SPRED3: variants seen among roughly 807,000 people sequenced by gnomAD.
SPRED3 encodes the protein sprouty related EVH1 domain containing 3.
SPRED3 carries 23 observed loss-of-function variants against 37.6 expected under a neutral mutation model. That is an observed-to-expected ratio of 0.61 (90% CI 0.44 to 0.87). SPRED3 has a LOEUF of 0.87. SPRED3 is among the 40% of genes least tolerant of loss of function. The probability of loss-of-function intolerance (pLI) is 0.00; values close to 1 mark genes in which losing one functional copy is unlikely to be tolerated. For missense variants in SPRED3, 584 were observed against 618.6 expected (o/e 0.94, Z 0.59); for synonymous variants, 302 against 279.6 (o/e 1.08, Z -0.80).
Position 38,396,020 on chromosome 19 carries a change from C to T in SPRED3, c.1108C>T (p.Leu370=). The T allele has an allele frequency of 7.3e-7, 1 of 1,372,346 alleles. No homozygotes were observed. Among genetic ancestry groups the T allele is most frequent in the Non-Finnish European group, 9.3e-7 (1 of 1,072,766 alleles). The allele number at this position is 1,372,346 out of a possible 1,614,324, so 85.0% of individuals were successfully genotyped here. A position where few individuals can be genotyped will look rare whatever the true frequency, so the allele number is the denominator to read the frequency against. ...HPRPAARWAA[L]AALSLAVPCL... is the part of the protein sequence containing the mutation. ...GCGCCCCGCCGCGCGCTGGGCCGCG[C>T]TGGCCGCGCTCTCCCTGGCAGTGCC... The change falls in exon 6 of 6, where the codon CTG becomes TTG. Residue 370 remains leucine (L), a synonymous_variant. Coordinates refer to ENST00000691638, the MANE Select transcript of SPRED3 (RefSeq NM_001394336.1).
intron 2 of SPRED3, among the ~76,000 whole-genome samples, chr19:38,390,764 G>GCCCCCCCCCCCCCCCC (rs57016544): frequency 1.9e-3 from 119 of 62,470 alleles, no homozygotes; most frequent in Non-Finnish European, 2.3e-3. Flanking sequence ...AGGGGGCACT[G>GCCCCCCCCCCCCCCCC]CCCCCCCCCC....
Position 38,398,257 on chromosome 19 carries a change from G to A in SPRED3, c.*2112G>A, listed in dbSNP as rs1970921924. 6.8e-6 allele frequency: 1 copy of A among 146,836 alleles called. No individual in the cohort carries two copies. Among genetic ancestry groups the A allele is most frequent in the Non-Finnish European group, 1.5e-5 (1 of 65,438 alleles). The allele number at this position is 146,836 out of a possible 1,614,324, so 9.1% of individuals were successfully genotyped here. ...TTATTTATTTATTTATTTATTTTGA[G>A]ACAGAGTCTCGCTGTATCACCCAGG... On this transcript the variant is annotated 3_prime_UTR_variant, in exon 6 of 6. Transcript: ENST00000691638.
rs755465978 is a variant in SPRED3, at chr19:38,390,287, C to G, written c.-4-12C>G. 1 of 1,338,592 alleles carries G rather than the reference C, an allele frequency of 7.5e-7. No individual in the cohort carries two copies. Among genetic ancestry groups the G allele is most frequent in the Non-Finnish European group, 9.7e-7 (1 of 1,035,708 alleles). 82.9% of individuals were successfully genotyped at this position (1,338,592 alleles called of 1,614,324 possible). ...ACTGTGTTGTCCCTGTCCTTCCCCC[C>G]ACCTCCTGCAGGTACATGGTGCGGG... is the stretch of plus-strand genomic sequence containing the variant. On this transcript the variant is annotated splice_polypyrimidine_tract_variant and intron_variant, in intron 1 of 5. Transcript: ENST00000691638.
chr19:38,395,880 G>A lies in SPRED3; in HGVS notation c.968G>A (p.Arg323His), dbSNP rs1400017871. ...TGCGCAGAGGCCCCGGACCCGGGTC[G>A]CCTCCTGGTGCGCCGTCTAAGCTGC... ...GRCAEAPDPG[R>H]LLVRRLSCLW... Residue 323 changes from arginine (R) to histidine (H), a missense_variant, in exon 6 of 6, where the codon CGC becomes CAC. By Grantham distance (29) the Arg-to-His change is conservative. Coordinates refer to ENST00000691638, the MANE Select transcript of SPRED3 (RefSeq NM_001394336.1). This position sits in a 1 kb window ranked among gnomAD's most constrained non-coding sequence, Gnocchi z 5.2. 2.0e-6 allele frequency: 3 copies of A among 1,497,818 alleles called. No individual in the cohort carries two copies. The African/African-American group carries it at 4.3e-5, about 22-fold the overall frequency. The allele number at this position is 1,497,818 out of a possible 1,614,324, so 92.8% of individuals were successfully genotyped here.
chr19:38,396,205 C>A lies in SPRED3; in HGVS notation c.*60C>A. Reference sequence around the variant, plus strand: ...ACCCAAAATTGAGGGTCCAGGACCCCGGACTCCGTTCGGACCTAAAACCCA... The same window carrying A: ...ACCCAAAATTGAGGGTCCAGGACCCAGGACTCCGTTCGGACCTAAAACCCA... On this transcript the variant is annotated 3_prime_UTR_variant, in exon 6 of 6. Coordinates refer to ENST00000691638, the MANE Select transcript of SPRED3 (RefSeq NM_001394336.1). 8.5e-7 allele frequency: 1 copy of A among 1,181,478 alleles called. No homozygotes were observed. The highest frequency in any genetic ancestry group is 1.1e-6 in the Non-Finnish European group (1 of 945,830). The allele number at this position is 1,181,478 out of a possible 1,614,324, so 73.2% of individuals were successfully genotyped here. A position where few individuals can be genotyped will look rare whatever the true frequency, so the allele number is the denominator to read the frequency against.
intron 1 of SPRED3, 136 bp from the exon 2 acceptor site, chr19:38,390,163 C>CT: frequency 1.2e-6 from 1 of 829,108 alleles, no homozygotes; most frequent in Non-Finnish European, 1.7e-6. Flanking sequence ...GTGGGTATTG[C>CT]TAGCTTAGGG....
chr19:38,390,774 C>CA (rs1244506444), intron 2 of SPRED3, among the ~76,000 whole-genome samples: 4 of 119,392 alleles, frequency 3.4e-5, no homozygotes, highest in Non-Finnish European at 5.6e-5. Context: ...GCCCCCCCCC[C>CA]CCCGCCCCGA....
In SPRED3 at chr19:38,395,237, C is replaced by T. The variant is rs1970880371; in HGVS notation, c.568-243C>T. On this transcript the variant is annotated intron_variant, in intron 5 of 5. Coordinates refer to ENST00000691638, the MANE Select transcript of SPRED3 (RefSeq NM_001394336.1). This position sits in a 1 kb window ranked among gnomAD's most constrained non-coding sequence, Gnocchi z 5.2. ...AGGTAGAGGGGGCTGGGAGCTGGGG[C>T]TCTTGGATCTTAAGAGAGGACAGGA... Among the ~76,000 whole-genome samples, 2 of 152,048 alleles carry T rather than the reference C, an allele frequency of 1.3e-5. No homozygotes were observed. Among genetic ancestry groups the T allele is most frequent in the African/African-American group, 4.8e-5 (2 of 41,400 alleles).
Position 38,390,300 on chromosome 19 carries a change from T to G in SPRED3, c.-3T>G, listed in dbSNP as rs1366383610. 3 of 1,339,804 alleles carry G rather than the reference T, an allele frequency of 2.2e-6. No homozygotes were observed. Among genetic ancestry groups the G allele is most frequent in the Non-Finnish European group, 2.9e-6 (3 of 1,036,690 alleles). The allele number at this position is 1,339,804 out of a possible 1,614,324, so 83.0% of individuals were successfully genotyped here. The stretch of plus-strand genomic sequence containing the variant: ...TGTCCTTCCCCCCACCTCCTGCAGG[T>G]ACATGGTGCGGGTCCGAGCTGTGGT... On this transcript the variant is annotated splice_region_variant and 5_prime_UTR_variant, in exon 2 of 6. Coordinates refer to ENST00000691638, the MANE Select transcript of SPRED3 (RefSeq NM_001394336.1).
intron 4 of SPRED3, among the ~76,000 whole-genome samples, chr19:38,394,025 A>C (rs1471880526): frequency 6.6e-6 from 1 of 152,232 alleles, no homozygotes; most frequent in Non-Finnish European, 1.5e-5. Context: ...GGTCTTCGTG[A>C]GTCTGGCACG....
chr19:38,395,793 C>A lies in SPRED3; in HGVS notation c.881C>A (p.Ala294Glu). The A allele has an allele frequency of 6.8e-7, 1 of 1,465,132 alleles. No individual in the cohort carries two copies. Among genetic ancestry groups the A allele is most frequent in the Non-Finnish European group, 9.0e-7 (1 of 1,116,534 alleles). The allele number at this position is 1,465,132 out of a possible 1,614,324, so 90.8% of individuals were successfully genotyped here. The change falls in exon 6 of 6, where the codon GCA becomes GAA. Residue 294 changes from alanine to glutamate, a missense_variant. By Grantham distance (107) the Ala-to-Glu change is moderately radical. Around this residue, in one of 7 missense-constraint regions of SPRED3, gnomAD observed 310 missense variants for 281.1 expected, o/e 1.10. Coordinates refer to ENST00000691638, the MANE Select transcript of SPRED3 (RefSeq NM_001394336.1). The surrounding 1 kb of genome is among the most constrained non-coding windows in gnomAD (Gnocchi z 5.2). ...PAKASPEAEE[A>E]ARCVHCRALF... is the part of the protein sequence containing the mutation. ...AAGGCCTCCCCGGAAGCGGAGGAGG[C>A]AGCGCGCTGCGTGCATTGCCGCGCG...
Position 38,395,644 on chromosome 19 carries a change from C to A in SPRED3, c.732C>A (p.Thr244=). 6.5e-7 allele frequency: 1 copy of A among 1,532,340 alleles called. No homozygotes were observed. The highest frequency in any genetic ancestry group is 8.7e-7 in the Non-Finnish European group (1 of 1,149,682). 94.9% of individuals were successfully genotyped at this position (1,532,340 alleles called of 1,614,324 possible). Residue 244 remains threonine, a synonymous_variant, in exon 6 of 6, where the codon ACC becomes ACA. Coordinates refer to ENST00000691638, the MANE Select transcript of SPRED3 (RefSeq NM_001394336.1). The surrounding 1 kb of genome is among the most constrained non-coding windows in gnomAD (Gnocchi z 5.2). ...CCTGCGTCGTGCGCTTCGCCAAGACCGGCGCGTTGAGGGGCGCTGCCCTGG... is the reference window on the plus strand; with the variant it reads ...CCTGCGTCGTGCGCTTCGCCAAGACAGGCGCGTTGAGGGGCGCTGCCCTGG... The part of the protein sequence containing the change: ...LSTCVVRFAK[T]GALRGAALGP...
In SPRED3 at chr19:38,398,330, G is replaced by A. The variant is rs1481543040; in HGVS notation, c.*2185G>A. On this transcript the variant is annotated 3_prime_UTR_variant, in exon 6 of 6. Transcript: ENST00000691638. ...CGGCTCACCACAACCTCCCCCTCCC[G>A]GGTTCAAGCCATTCGTCTGCCTCAG... 2 of 152,138 alleles carry A rather than the reference G, an allele frequency of 1.3e-5. No homozygotes were observed. Among genetic ancestry groups the A allele is most frequent in the African/African-American group, 2.4e-5 (1 of 41,412 alleles). The allele number at this position is 152,138 out of a possible 1,614,324, so 9.4% of individuals were successfully genotyped here.
chr19:38,390,970 G>T (rs955994964), intron 2 of SPRED3, among the ~76,000 whole-genome samples: 2 of 152,056 alleles, frequency 1.3e-5, no homozygotes, highest in Admixed American at 1.3e-4. Flanking sequence ...CTGGGCTGTC[G>T]GGCACAATGT....
At chr19:38,392,604 T>TA (rs1005809610) in intron 4 of SPRED3, 38 of 240,866 alleles carry the variant, frequency 1.6e-4, no homozygotes, top group South Asian at 3.5e-4. Flanking sequence ...GGCAGAAAAT[T>TA]AAAAAAAATA....
chr19:38,392,487 G>T lies in SPRED3; in HGVS notation c.423+199G>T, dbSNP rs915617253. 1.9e-5 allele frequency: 11 copies of T among 590,382 alleles called. No individual in the cohort carries two copies. In the African/African-American group the frequency reaches 2.0e-4, roughly 11 times the overall value. The allele number at this position is 590,382 out of a possible 1,614,324, so 36.6% of individuals were successfully genotyped here. A position where few individuals can be genotyped will look rare whatever the true frequency, so the allele number is the denominator to read the frequency against. On this transcript the variant is annotated intron_variant, in intron 4 of 5. Transcript: ENST00000691638. The stretch of plus-strand genomic sequence containing the variant: ...GTCATGATTCACACGTTCATTCAAG[G>T]GTCCTTATTGTGTACCTTCTGTATA...
Position 38,396,276 on chromosome 19 carries a change from A to C in SPRED3, c.*131A>C, listed in dbSNP as rs1291526832. The C allele has an allele frequency of 1.5e-6, 1 of 659,044 alleles. No individual in the cohort carries two copies. The allele number at this position is 659,044 out of a possible 1,614,324, so 40.8% of individuals were successfully genotyped here. A position where few individuals can be genotyped will look rare whatever the true frequency, so the allele number is the denominator to read the frequency against. ...TTGGAGCTTGAGTTTGGATTGAGAG[A>C]TCTCAGACCTGGAACCTGGAACCCA... On this transcript the variant is annotated 3_prime_UTR_variant, in exon 6 of 6. Transcript: ENST00000691638.
In SPRED3 at chr19:38,395,718, C is replaced by A; in HGVS notation, c.806C>A (p.Ala269Glu). 7.6e-6 allele frequency: 11 copies of A among 1,452,822 alleles called. No individual in the cohort carries two copies. Among genetic ancestry groups the A allele is most frequent in the Non-Finnish European group, 9.9e-6 (11 of 1,113,832 alleles). The allele number at this position is 1,452,822 out of a possible 1,614,324, so 90.0% of individuals were successfully genotyped here. A position where few individuals can be genotyped will look rare whatever the true frequency, so the allele number is the denominator to read the frequency against. The change falls in exon 6 of 6, where the codon GCG becomes GAG. Residue 269 changes from alanine (A) to glutamate (E), a missense_variant. Physicochemically the swap from Ala to Glu is moderately radical, Grantham distance 107. This residue lies in a region of SPRED3 where 310 missense variants were observed against 281.1 expected (regional missense o/e 1.10). Coordinates refer to ENST00000691638, the MANE Select transcript of SPRED3 (RefSeq NM_001394336.1). This position sits in a 1 kb window ranked among gnomAD's most constrained non-coding sequence, Gnocchi z 5.2. ...PAPLTEAAPP[A>E]PPARPPPGPG... is the part of the protein sequence containing the mutation. ...CCTTTGACCGAGGCTGCGCCCCCAG[C>A]GCCCCCCGCTCGCCCACCCCCCGGC...
Position 38,395,777 on chromosome 19 carries a change from C to G in SPRED3, c.865C>G (p.Pro289Ala). ...GPSSAPAKAS[P>A]EAEEAARCVH... ...ATCCTCTGCGCCTGCCAAGGCCTCC[C>G]CGGAAGCGGAGGAGGCAGCGCGCTG... Residue 289 changes from proline (P) to alanine (A), a missense_variant, in exon 6 of 6, where the codon CCG becomes GCG. Physicochemically the swap from Pro to Ala is conservative, Grantham distance 27. Transcript: ENST00000691638. This position sits in a 1 kb window ranked among gnomAD's most constrained non-coding sequence, Gnocchi z 5.2. 6.8e-7 allele frequency: 1 copy of G among 1,462,402 alleles called. No individual in the cohort carries two copies. Among genetic ancestry groups the G allele is most frequent in the Non-Finnish European group, 9.0e-7 (1 of 1,115,680 alleles). 90.6% of individuals were successfully genotyped at this position (1,462,402 alleles called of 1,614,324 possible).
Sources: gnomAD v4.1 joint callset for allele counts (sites outside exome capture counted in the v4.1 genomes callset) on GRCh38, gnomAD v4.1.1 for gene constraint, gnomAD v4.1.1 regional missense constraint, Gnocchi (gnomAD v3.1) non-coding constraint, MANE v1.5 for transcripts, NCBI Gene and HGNC (gene_info 2026-07-23, HGNC 2026-07-21) for gene names.